Variants in ATR observed in about 807,000 individuals in gnomAD.
The protein encoded by ATR is serine/threonine-protein kinase ATR.
In ATR, 142 loss-of-function variants were observed where a neutral mutation model predicts 305.3. The observed-to-expected ratio is 0.47, with a 90% confidence interval of 0.41 to 0.53. The LOEUF is 0.53. ATR is among the 20% of genes least tolerant of loss of function. The pLI, the probability that ATR is intolerant of heterozygous loss-of-function variation, is 0.00. For missense variants in ATR, 2,135 were observed against 3,133.1 expected (o/e 0.68, Z 7.60); for synonymous variants, 1,050 against 1,068.1 (o/e 0.98, Z 0.33).
chr3:142,480,850 A>G (rs2030391956), intron 36 of ATR, among the ~76,000 whole-genome samples: 1 of 152,162 alleles, frequency 6.6e-6, no homozygotes, highest in Non-Finnish European at 1.5e-5. Context: ...TATGCTAGCA[A>G]TGAGAGAGGC....
rs368676027 is a variant in ATR at position 142,547,763 on chromosome 3, A to G, written c.3319T>C (p.Tyr1107His). The change falls in exon 16 of 47, where the codon TAT becomes CAT. Residue 1107 changes from tyrosine to histidine, a missense_variant. Coordinates refer to ENST00000350721, the MANE Select transcript of ATR (RefSeq NM_001184.4). ...LASFASSDDP[Y>H]QGPRDIISPE... ...GATATGATATCTCTCGGGCCCTGAT[A>G]TGGATCATCACTGGATGCAAATGAG... The G allele has an allele frequency of 1.8e-5, 29 of 1,613,882 alleles. No individual in the cohort carries two copies. Among genetic ancestry groups the G allele is most frequent in the Non-Finnish European group, 2.3e-5 (27 of 1,179,940 alleles).
intron 33 of ATR, 134 bp downstream of exon 33, chr3:142,496,879 A>G: frequency 1.0e-6 from 1 of 1,000,006 alleles, no homozygotes; most frequent in Non-Finnish European, 1.5e-6. Context: ...TCAACCAGAT[A>G]GTGTAGCCCT....
At chr3:142,452,698 C>A (rs960625746) in intron 46 of ATR, 126 of 1,037,964 alleles carry the variant, frequency 1.2e-4, no homozygotes, top group Admixed American at 1.6e-4. Flanking sequence ...CCACCACCAC[C>A]ACAACAACAA....
chr3:142,502,179 A>G (rs2032003473), intron 30 of ATR, among the ~76,000 whole-genome samples: 1 of 152,210 alleles, frequency 6.6e-6, no homozygotes, highest in South Asian at 2.1e-4. Context: ...TTTCCCAAAG[A>G]ACTGAAAATA....
chr3:142,449,692 T>C, intron 46 of ATR, 90 bp from the exon 47 acceptor site: 1 of 1,337,318 alleles, frequency 7.5e-7, no homozygotes, highest in Non-Finnish European at 1.1e-6. Flanking sequence ...TAAATGTTAA[T>C]ACCATTTTAC....
At chr3:142,517,593 C>T (rs565729581) in intron 24 of ATR, among the ~76,000 whole-genome samples, 1 of 152,100 alleles carries the variant, frequency 6.6e-6, no homozygotes, top group Admixed American at 6.6e-5. Flanking sequence ...ATAAGCAGAT[C>T]CCAACTAGGT....
chr3:142,509,945 G>A (rs536126289), intron 27 of ATR, among the ~76,000 whole-genome samples: 85 of 151,988 alleles, frequency 5.6e-4, no homozygotes, highest in African/African-American at 2.0e-3. Flanking sequence ...GTGAAACCCT[G>A]TCTCCATTAA....
intron 1 of ATR, among the ~76,000 whole-genome samples, chr3:142,573,026 TA>T (rs2035325094): frequency 6.6e-6 from 1 of 152,212 alleles, no homozygotes. Context: ...CATTAGACCG[TA>T]AGCTCTTATA....
intron 16 of ATR, among the ~76,000 whole-genome samples, chr3:142,546,770 A>C (rs1439995557): frequency 6.6e-6 from 1 of 152,216 alleles, no homozygotes; most frequent in Non-Finnish European, 1.5e-5. Flanking sequence ...AATGATACTG[A>C]AAGGTTGAAT....
intron 30 of ATR, 82 bp from the exon 31 acceptor site, chr3:142,499,800 A>G (rs1244404148): frequency 9.7e-7 from 1 of 1,034,542 alleles, no homozygotes; most frequent in Non-Finnish European, 1.5e-6. Context: ...TACATACTCT[A>G]TTTATTATAT....
At position 142,485,240 on chromosome 3, in the gene ATR, A is replaced by G. The variant is rs1278824537; in HGVS notation, c.6121T>C (p.Tyr2041His). The change falls in exon 36 of 47, where the codon TAC (tyrosine) becomes CAC (histidine). Residue 2041 changes from tyrosine to histidine, a missense_variant. By Grantham distance (83) the Tyr-to-His change is moderately conservative (BLOSUM62 2). Transcript: ENST00000350721. ...CLPEWEDGHF[Y>H]LAKYYDKLMP... Reference sequence around the variant, plus strand: ...AATTTGTCATAGTACTTGGCAAGGTAAAAATGCCCATCCTCCCATTCTGGC... The same window carrying G: ...AATTTGTCATAGTACTTGGCAAGGTGAAAATGCCCATCCTCCCATTCTGGC... The G allele has an allele frequency of 6.2e-7, 1 of 1,614,078 alleles. No homozygotes were observed. The highest frequency in any genetic ancestry group is 2.2e-5 in the East Asian group (1 of 44,896).
At chr3:142,535,046 G>T (rs762777180) in intron 21 of ATR, 34 bp downstream of exon 21, 1 of 1,578,760 alleles carries the variant, frequency 6.3e-7, no homozygotes, top group South Asian at 1.1e-5. Flanking sequence ...ATCTTTCTTT[G>T]TTATACATTT....
intron 6 of ATR, among the ~76,000 whole-genome samples, 185 bp from the exon 7 acceptor site, chr3:142,559,626 T>A (rs1339823405): frequency 6.6e-6 from 1 of 152,208 alleles, no homozygotes. Flanking sequence ...TATGTCAGCT[T>A]AAATCACCCT....
At chr3:142,498,023 A>G (rs190667391) in intron 32 of ATR, among the ~76,000 whole-genome samples, 37 of 152,334 alleles carry the variant, frequency 2.4e-4, no homozygotes, top group African/African-American at 8.7e-4. Context: ...AGATATCACC[A>G]AACGGGTTGA....
chr3:142,524,886 C>A (rs1026648343), intron 21 of ATR, among the ~76,000 whole-genome samples: 1 of 152,106 alleles, frequency 6.6e-6, no homozygotes, highest in South Asian at 2.1e-4. Context: ...AAGATTTAGA[C>A]CTTGCACTTG....
intron 46 of ATR, 38 bp from the exon 47 acceptor site, chr3:142,449,640 A>C: frequency 6.3e-7 from 1 of 1,589,268 alleles, no homozygotes; most frequent in East Asian, 2.3e-5. Flanking sequence ...ACAGATGTTA[A>C]TAATTTGGAA....
Position 142,511,380 on chromosome 3 carries a change from G to A in ATR, c.4852+880C>T, listed in dbSNP as rs78968682. Among the ~76,000 whole-genome samples the A allele has an allele frequency of 9.8e-3, 1,491 of 152,252 alleles. 28 individuals carry two copies. Among genetic ancestry groups the A allele is most frequent in the African/African-American group, 0.034 (1,420 of 41,552 alleles). Reference sequence around the variant, plus strand: ...ATAATATTAACCCCATTTTGGCCAGGTGTGGTGGCTCACACCTGTAATCCC... The same window carrying A: ...ATAATATTAACCCCATTTTGGCCAGATGTGGTGGCTCACACCTGTAATCCC... On this transcript the variant is annotated intron_variant, in intron 27 of 46. Coordinates refer to ENST00000350721, the MANE Select transcript of ATR (RefSeq NM_001184.4).
chr3:142,554,642 C>T (rs2034599167), intron 10 of ATR, among the ~76,000 whole-genome samples: 1 of 152,150 alleles, frequency 6.6e-6, no homozygotes, highest in South Asian at 2.1e-4. Flanking sequence ...ACATTGCAGG[C>T]CAGGAGTGGT....
chr3:142,520,871 C>T (rs78776402), intron 23 of ATR, among the ~76,000 whole-genome samples: 1,743 of 152,284 alleles, frequency 0.011, 37 homozygotes, highest in African/African-American at 0.04. Context: ...TAGCTAAAAT[C>T]ATTCTATTCT....
Sources: allele counts gnomAD v4.1 joint callset (sites outside exome capture counted in the v4.1 genomes callset), GRCh38; gene constraint gnomAD v4.1.1; transcripts MANE v1.5; gene names NCBI Gene and HGNC (gene_info 2026-07-23, HGNC 2026-07-21).